The following MFSD12 variants were observed in gnomAD, a reference collection of about 807,000 sequenced individuals.
The protein encoded by MFSD12 is major facilitator superfamily domain-containing protein 12.
Under a neutral mutation model 51.2 loss-of-function variants are expected in MFSD12, and 67 were observed. The ratio of observed to expected loss-of-function variants is 1.31; its 90% CI spans 1.08 to 1.60. MFSD12 has a LOEUF of 1.60. Ranked by LOEUF, MFSD12 falls within the 40% of genes most tolerant of loss-of-function variation. The pLI is 0.00. For missense variants in MFSD12, 921 were observed against 673.0 expected (o/e 1.37, Z -4.08); for synonymous variants, 441 against 316.7 (o/e 1.39, Z -4.17).
downstream of MFSD12, chr19:3,539,281 G>GAGCCCCTCCC (rs1457216469): frequency 8.6e-6 from 13 of 1,511,246 alleles, no homozygotes; most frequent in Middle Eastern, 1.7e-4. Flanking sequence ...CCCTACAGGT[G>GAGCCCCTCCC]AGCCCCTCCC....
At chr19:3,552,085 G>T (rs114327073) in intron 1 of MFSD12, among the ~76,000 whole-genome samples, 1 of 152,082 alleles carries the variant, frequency 6.6e-6, no homozygotes, top group African/African-American at 2.4e-5. Context: ...TCTGTCTGCC[G>T]GCTTCCTGCC....
In MFSD12 at chr19:3,545,730, C is replaced by T. The variant is rs568957720; in HGVS notation, c.1289+344G>A. On this transcript the variant is annotated intron_variant, in intron 8 of 9. Coordinates refer to ENST00000355415, the MANE Select transcript of MFSD12 (RefSeq NM_174983.5). The stretch of plus-strand genomic sequence containing the variant: ...TTTCCAGGCCCTGGGCCTCTACAGG[C>T]GTGAATGCTGTGATGCTGTGGTCTA... 1.4e-4 allele frequency among the ~76,000 whole-genome samples: 22 copies of T among 152,350 alleles called. No individual in the cohort carries two copies. The South Asian group carries it at 1.4e-3, about 10-fold the overall frequency.
intron 6 of MFSD12, among the ~76,000 whole-genome samples, chr19:3,546,731 A>G (rs1457289104): frequency 6.6e-6 from 1 of 152,226 alleles, no homozygotes; most frequent in African/African-American, 2.4e-5. Context: ...AGCCCTCAGT[A>G]GCTGCACAGG....
Sources: allele counts gnomAD v4.1 joint callset (sites outside exome capture counted in the v4.1 genomes callset), GRCh38; gene constraint gnomAD v4.1.1; transcripts MANE v1.5; gene names NCBI Gene and HGNC (gene_info 2026-07-23, HGNC 2026-07-21).